Variants in SLIT2 observed in about 807,000 individuals in gnomAD.
SLIT2 encodes slit homolog 2 protein.
Under a neutral mutation model 185.7 loss-of-function variants are expected in SLIT2, and 41 were observed. That is an observed-to-expected ratio of 0.22 (90% CI 0.17 to 0.29). The LOEUF (loss-of-function observed/expected upper bound fraction) is 0.29. Among genes scored for constraint, SLIT2 ranks in the 10% least tolerant of loss-of-function variants. The probability of loss-of-function intolerance (pLI) is 1.00; values close to 1 mark genes in which losing one functional copy is unlikely to be tolerated. For synonymous variants in SLIT2, 693 were observed against 680.2 expected, an observed-to-expected ratio of 1.02 and a Z score of -0.29; for missense variants, 1,571 against 1,909.0, an observed-to-expected ratio of 0.82 and a Z score of 3.30.
chr4:20,472,543 T>TAG (rs1715544064), intron 5 of SLIT2, among the ~76,000 whole-genome samples: 6 of 17,526 alleles, frequency 3.4e-4, no homozygotes, highest in Non-Finnish European at 4.9e-4. Flanking sequence ...GATATATCTA[T>TAG]ATCTATATAT....
At chr4:20,458,675 C>A (rs1713359882) in intron 4 of SLIT2, among the ~76,000 whole-genome samples, 1 of 152,148 alleles carries the variant, frequency 6.6e-6, no homozygotes, top group Non-Finnish European at 1.5e-5. Context: ...TACCTCTTAC[C>A]TCCTGTAAGA....
intron 4 of SLIT2, among the ~76,000 whole-genome samples, chr4:20,444,337 G>A (rs1013415734): frequency 3.9e-5 from 6 of 152,058 alleles, no homozygotes; most frequent in African/African-American, 1.4e-4. Flanking sequence ...TAATGTGTAA[G>A]AATGTCATCT....
intron 29 of SLIT2, among the ~76,000 whole-genome samples, chr4:20,570,739 A>ATG (rs1725527816): frequency 4.9e-5 from 6 of 121,790 alleles, no homozygotes; most frequent in African/African-American, 1.9e-4. Flanking sequence ...ATGTATATAT[A>ATG]TATATATATA....
intron 4 of SLIT2, among the ~76,000 whole-genome samples, chr4:20,368,715 A>T (rs1388471465): frequency 6.6e-6 from 1 of 152,142 alleles, no homozygotes; most frequent in Non-Finnish European, 1.5e-5. Flanking sequence ...ATAAAGTTTG[A>T]CAGGTGCTCT....
chr4:20,263,081 G>A (rs1237579170), intron 3 of SLIT2, among the ~76,000 whole-genome samples: 2 of 151,766 alleles, frequency 1.3e-5, no homozygotes, highest in African/African-American at 2.4e-5. Flanking sequence ...TGTGGAAGCA[G>A]CCAGTGTCAA....
intron 4 of SLIT2, among the ~76,000 whole-genome samples, chr4:20,439,633 T>A (rs993978985): frequency 3.9e-5 from 6 of 152,186 alleles, no homozygotes; most frequent in African/African-American, 1.4e-4. Flanking sequence ...AATAAGGAGA[T>A]ACGGGGAGAG....
intron 20 of SLIT2, 95 bp from the exon 21 acceptor site, chr4:20,542,399 C>G: frequency 8.6e-7 from 1 of 1,166,262 alleles, no homozygotes; most frequent in Non-Finnish European, 1.3e-6. Flanking sequence ...GCTTAAGACT[C>G]TTGTGTTTGT....
intron 4 of SLIT2, among the ~76,000 whole-genome samples, chr4:20,447,494 G>A (rs557930130): frequency 9.2e-5 from 14 of 152,306 alleles, no homozygotes; most frequent in African/African-American, 3.1e-4. Context: ...TTCTAACATT[G>A]CTCTCCTTTG....
chr4:20,415,149 C>A (rs149397693), intron 4 of SLIT2, among the ~76,000 whole-genome samples: 1 of 152,130 alleles, frequency 6.6e-6, no homozygotes, highest in Admixed American at 6.5e-5. Context: ...CGGTGGCCCG[C>A]GCCTGTAATC....
At chr4:20,435,062 A>G (rs962973206) in intron 4 of SLIT2, among the ~76,000 whole-genome samples, 1 of 152,260 alleles carries the variant, frequency 6.6e-6, no homozygotes, top group African/African-American at 2.4e-5. Flanking sequence ...CTTGTTTTAT[A>G]CATTTATTAA....
chr4:20,453,009 A>G (rs1445881868), intron 4 of SLIT2, among the ~76,000 whole-genome samples: 1 of 152,200 alleles, frequency 6.6e-6, no homozygotes, highest in Non-Finnish European at 1.5e-5. Context: ...AAATTATGAT[A>G]TCATGAAAAT....
At chr4:20,599,854 T>C (rs1460743817) in intron 33 of SLIT2, among the ~76,000 whole-genome samples, 1 of 152,226 alleles carries the variant, frequency 6.6e-6, no homozygotes, top group Non-Finnish European at 1.5e-5. Flanking sequence ...GATATTCTCA[T>C]ATGTATCAAT....
intron 4 of SLIT2, among the ~76,000 whole-genome samples, chr4:20,372,512 A>G (rs912072149): frequency 6.6e-6 from 1 of 152,196 alleles, no homozygotes; most frequent in Non-Finnish European, 1.5e-5. Flanking sequence ...AATTTCCAAA[A>G]TTAACTTTGT....
intron 4 of SLIT2, among the ~76,000 whole-genome samples, chr4:20,429,728 T>A (rs1728824581): frequency 1.3e-5 from 2 of 152,196 alleles, no homozygotes; most frequent in South Asian, 4.1e-4. Context: ...CAACTGCATT[T>A]GAGAGAGAGA....
intron 2 of SLIT2, among the ~76,000 whole-genome samples, chr4:20,257,159 A>G (rs549017211): frequency 6.6e-6 from 1 of 152,266 alleles, no homozygotes; most frequent in East Asian, 1.9e-4. Context: ...CGAAAATCTA[A>G]TATCAAGCAT....
intron 4 of SLIT2, among the ~76,000 whole-genome samples, chr4:20,405,689 A>G (rs1344872759): frequency 6.6e-6 from 1 of 152,002 alleles, no homozygotes; most frequent in African/African-American, 2.4e-5. Flanking sequence ...AGCTTCCATA[A>G]GAGATGTTAT....
intron 4 of SLIT2, 54 bp from the exon 5 acceptor site, chr4:20,467,698 T>A: frequency 9.1e-7 from 1 of 1,096,738 alleles, no homozygotes; most frequent in Non-Finnish European, 1.3e-6. Flanking sequence ...TGGATTAAAA[T>A]AATCTTTAAA....
At chr4:20,455,942 A>C (rs1161275732) in intron 4 of SLIT2, among the ~76,000 whole-genome samples, 1 of 152,142 alleles carries the variant, frequency 6.6e-6, no homozygotes, top group Non-Finnish European at 1.5e-5. Context: ...CACATTTTTT[A>C]TCATGATCAA....
intron 4 of SLIT2, among the ~76,000 whole-genome samples, chr4:20,289,131 T>C (rs1433655993): frequency 6.6e-6 from 1 of 152,190 alleles, no homozygotes; most frequent in Non-Finnish European, 1.5e-5. Flanking sequence ...TAACCAACAA[T>C]GTCCGTACTC....
Sources: gnomAD v4.1 joint callset for allele counts (sites outside exome capture counted in the v4.1 genomes callset) on GRCh38, gnomAD v4.1.1 for gene constraint, MANE v1.5 for transcripts, NCBI Gene and HGNC (gene_info 2026-07-23, HGNC 2026-07-21) for gene names.